Variants in KIF22 observed in about 807,000 individuals in gnomAD.
KIF22 encodes kinesin family member 22, also known as kinesin-like protein KIF22.
KIF22 carries 62 observed loss-of-function variants against 73.0 expected under a neutral mutation model. The observed-to-expected ratio is 0.85, with a 90% CI of 0.69 to 1.05. The LOEUF is 1.05. Among genes scored for constraint, KIF22 ranks in the 50% least tolerant of loss-of-function variants. KIF22 has a pLI of 0.00. For missense variants in KIF22, 854 were observed against 870.1 expected (o/e 0.98, Z 0.23); for synonymous variants, 411 against 340.1 (o/e 1.21, Z -2.29).
Position 29,798,282 on chromosome 16 carries a change from C to G in KIF22, c.267-92C>G. ...TCCAAGGTCCAGATGAGAGTAGAAT[C>G]CCTTACCCACCCCCACCCCACTCCA... On this transcript the variant is annotated intron_variant, in intron 2 of 13. Coordinates refer to ENST00000160827, the MANE Select transcript of KIF22 (RefSeq NM_007317.3). The surrounding 1 kb of genome is among the most constrained non-coding windows in gnomAD (Gnocchi z 4.1). The G allele has an allele frequency of 4.0e-6, 6 of 1,496,798 alleles. No homozygotes were observed. The highest frequency in any genetic ancestry group is 2.4e-5 in the East Asian group (1 of 41,274). 92.7% of individuals were successfully genotyped at this position (1,496,798 alleles called of 1,614,324 possible). A position where few individuals can be genotyped will look rare whatever the true frequency, so the allele number is the denominator to read the frequency against.
At chr16:29,805,204 C>T (rs747506082) in intron 13 of KIF22, 30 bp downstream of exon 13, 6 of 1,614,136 alleles carry the variant, frequency 3.7e-6, no homozygotes, top group Admixed American at 3.3e-5. Context: ...CCTCCTCTGC[C>T]TGTCCTGCGC....
At position 29,797,083 on chromosome 16, in the gene KIF22, A is replaced by G; in HGVS notation, c.261A>G (p.Lys87=). ...GGAGGAACCACCAGGAGACTCTCAAATACCAGTAAGGTTCAGGCCACTCCT... is the reference window on the plus strand; with the variant it reads ...GGAGGAACCACCAGGAGACTCTCAAGTACCAGTAAGGTTCAGGCCACTCCT... ...ANWRNHQETL[K]YQFDAFYGER... is the part of the protein sequence containing the mutation. Residue 87 remains lysine (K), a synonymous_variant, in exon 2 of 14, where the codon AAA becomes AAG. Transcript: ENST00000160827. This position sits in a 1 kb window ranked among gnomAD's most constrained non-coding sequence, Gnocchi z 4.1. 3.8e-6 allele frequency: 6 copies of G among 1,583,190 alleles called. No homozygotes were observed. Among genetic ancestry groups the G allele is most frequent in the African/African-American group, 1.3e-5 (1 of 74,384 alleles).
intron 12 of KIF22, 34 bp downstream of exon 12, chr16:29,805,060 C>CGGGGGG: frequency 3.5e-6 from 3 of 848,102 alleles, no homozygotes; most frequent in Non-Finnish European, 5.5e-6. Flanking sequence ...AGGGCGGGGG[C>CGGGGGG]GGGGGAGACC....
intron 11 of KIF22, 108 bp downstream of exon 11, chr16:29,804,173 C>A (rs1003382966): frequency 7.0e-6 from 6 of 854,536 alleles, no homozygotes; most frequent in Non-Finnish European, 1.2e-5. Context: ...GGATGATGGC[C>A]GCCAGCTACT....
In KIF22 at chr16:29,797,147, C is replaced by A; in HGVS notation, c.266+59C>A. ...ATCACCTCCCTCTCCTAGGCCTGCC[C>A]ACGTTCCCCTGCCTCCCCAGGATCC... On this transcript the variant is annotated intron_variant, in intron 2 of 13. Coordinates refer to ENST00000160827, the MANE Select transcript of KIF22 (RefSeq NM_007317.3). The surrounding 1 kb of genome is among the most constrained non-coding windows in gnomAD (Gnocchi z 4.1). 7.7e-7 allele frequency: 1 copy of A among 1,297,606 alleles called. No individual in the cohort carries two copies. The allele number at this position is 1,297,606 out of a possible 1,614,324, so 80.4% of individuals were successfully genotyped here.
Position 29,804,015 on chromosome 16 carries a change from T to A in KIF22, c.1627T>A (p.Ser543Thr), listed in dbSNP as rs758050016. 1 of 1,596,606 alleles carries A rather than the reference T, an allele frequency of 6.3e-7. No homozygotes were observed. The highest frequency in any genetic ancestry group is 2.3e-5 in the East Asian group (1 of 44,202). ...PLQLIQEQAA[S>T]PNAEIHILKN... Reference sequence around the variant, plus strand: ...ACTTTCAGTTCAGGAGCAGGCAGCATCCCCAAATGCCGAGATCCACATCCT... The same window carrying A: ...ACTTTCAGTTCAGGAGCAGGCAGCAACCCCAAATGCCGAGATCCACATCCT... The change falls in exon 11 of 14, where the codon TCC becomes ACC. Residue 543 changes from serine to threonine, a missense_variant. Transcript: ENST00000160827.
chr16:29,793,322 C>G (rs1365833081), intron 1 of KIF22, among the ~76,000 whole-genome samples: 1 of 152,148 alleles, frequency 6.6e-6, no homozygotes, highest in Admixed American at 6.5e-5. Context: ...CACCTGTAGT[C>G]CCAGCTATTC....
chr16:29,802,871 G>A lies in KIF22; in HGVS notation c.1383G>A (p.Leu461=). 6.2e-7 allele frequency: 1 copy of A among 1,612,192 alleles called. No individual in the cohort carries two copies. The highest frequency in any genetic ancestry group is 8.5e-7 in the Non-Finnish European group (1 of 1,179,346). ...AGGGGAGCCAGGGGGCCCCTCTGTTGAGTACCCCAAAGCGAGAGCGGATGG... is the reference window on the plus strand; with the variant it reads ...AGGGGAGCCAGGGGGCCCCTCTGTTAAGTACCCCAAAGCGAGAGCGGATGG... The part of the protein sequence containing the change: ...ASQGSQGAPL[L]STPKRERMVL... The change falls in exon 9 of 14, where the codon TTG becomes TTA. Residue 461 remains leucine (L), a synonymous_variant. Coordinates refer to ENST00000160827, the MANE Select transcript of KIF22 (RefSeq NM_007317.3).
chr16:29,798,275 G>A lies in KIF22; in HGVS notation c.267-99G>A, dbSNP rs1239578226. Reference sequence around the variant, plus strand: ...TCTTAAATCCAAGGTCCAGATGAGAGTAGAATCCCTTACCCACCCCCACCC... The same window carrying A: ...TCTTAAATCCAAGGTCCAGATGAGAATAGAATCCCTTACCCACCCCCACCC... On this transcript the variant is annotated intron_variant, in intron 2 of 13. Transcript: ENST00000160827. This position sits in a 1 kb window ranked among gnomAD's most constrained non-coding sequence, Gnocchi z 4.1. The A allele has an allele frequency of 6.5e-7, 1 of 1,540,090 alleles. No homozygotes were observed. The highest frequency in any genetic ancestry group is 8.7e-7 in the Non-Finnish European group (1 of 1,148,724).
intron 8 of KIF22, among the ~76,000 whole-genome samples, chr16:29,800,771 ATAAATAAG>A (rs1899111082): frequency 6.6e-6 from 1 of 152,204 alleles, no homozygotes; most frequent in Non-Finnish European, 1.5e-5. Flanking sequence ...ATCTCAATAA[ATAAATAAG>A]TAAATAAATA....
At chr16:29,802,408 C>CT (rs1296852182) in intron 8 of KIF22, among the ~76,000 whole-genome samples, 1 of 151,990 alleles carries the variant, frequency 6.6e-6, no homozygotes, top group African/African-American at 2.4e-5. Flanking sequence ...CAAAGCCCTG[C>CT]TAAAGATGGC....
intron 11 of KIF22, chr16:29,804,315 T>G (rs1596857404): frequency 1.7e-6 from 1 of 603,788 alleles, no homozygotes; most frequent in East Asian, 2.7e-5. Flanking sequence ...GCTTCTACCC[T>G]CTACAAGCTT....
At chr16:29,802,267 C>CAA (rs71389599) in intron 8 of KIF22, among the ~76,000 whole-genome samples, 604 of 32,590 alleles carry the variant, frequency 0.019, 15 homozygotes, top group African/African-American at 0.035. Context: ...GACCCTGTCT[C>CAA]AAAAAAAAAA....
chr16:29,799,820 T>G, intron 7 of KIF22, 39 bp downstream of exon 7: 1 of 1,613,346 alleles, frequency 6.2e-7, no homozygotes, highest in South Asian at 1.1e-5. Flanking sequence ...ACGCTGGGTC[T>G]GGAAATTAGG....
rs376891131 is a variant in KIF22 at position 29,794,757 on chromosome 16, T to C, written c.71-2136T>C. On this transcript the variant is annotated intron_variant, in intron 1 of 13. Transcript: ENST00000160827. ...CCACCATACCTGACTAATTTTTGTA[T>C]TTTTAGTAGAGGCAGGGTTTCACCA... Among the ~76,000 whole-genome samples the C allele has an allele frequency of 4.3e-4, 66 of 152,154 alleles. No homozygotes were observed. The East Asian group carries it at 0.01, about 24-fold the overall frequency.
chr16:29,796,278 A>AAAC (rs1194973266), intron 1 of KIF22, among the ~76,000 whole-genome samples: 3 of 149,508 alleles, frequency 2.0e-5, no homozygotes, highest in Non-Finnish European at 3.0e-5. Context: ...CAAAAAAAAA[A>AAAC]AAAAAAACAC....
At position 29,799,973 on chromosome 16, in the gene KIF22, C is replaced by T. The variant is rs937292144; in HGVS notation, c.1205C>T (p.Ala402Val). ...ELLGPPEAKR[A>V]RGPEEEEIGS... ...CTTGGTCCACCAGAGGCAAAGAGAG[C>T]CCGAGGCCCTGAGGAAGAGGAGATC... Residue 402 changes from alanine to valine, a missense_variant, in exon 8 of 14, where the codon GCC (alanine) becomes GTC (valine). Coordinates refer to ENST00000160827, the MANE Select transcript of KIF22 (RefSeq NM_007317.3). The T allele has an allele frequency of 1.2e-6, 2 of 1,614,116 alleles. No individual in the cohort carries two copies. The highest frequency in any genetic ancestry group is 4.5e-5 in the East Asian group (2 of 44,886).
rs1212243952 is a variant in KIF22, at chr16:29,797,682, C to T, written c.266+594C>T. 6.6e-6 allele frequency among the ~76,000 whole-genome samples: 1 copy of T among 152,184 alleles called. No homozygotes were observed. Among genetic ancestry groups the T allele is most frequent in the Non-Finnish European group, 1.5e-5 (1 of 68,032 alleles). On this transcript the variant is annotated intron_variant, in intron 2 of 13. Transcript: ENST00000160827. This position sits in a 1 kb window ranked among gnomAD's most constrained non-coding sequence, Gnocchi z 4.1. ...GAGTTGAGTAGTTGTAAAAGGAACA[C>T]ATGGCCCACAAAGCCTAAAATATGT...
intron 9 of KIF22, 58 bp downstream of exon 9, chr16:29,802,995 G>T: frequency 6.5e-7 from 1 of 1,546,140 alleles, no homozygotes; most frequent in Non-Finnish European, 8.9e-7. Flanking sequence ...AGCAATCCTT[G>T]GATCTTCAGA....
Sources: allele counts gnomAD v4.1 joint callset (sites outside exome capture counted in the v4.1 genomes callset), GRCh38; gene constraint gnomAD v4.1.1; non-coding constraint Gnocchi (gnomAD v3.1); transcripts MANE v1.5; gene names NCBI Gene and HGNC (gene_info 2026-07-23, HGNC 2026-07-21).